The following BOLL variants were observed in gnomAD, a reference collection of about 807,000 sequenced individuals.
BOLL encodes boule RNA binding protein.
BOLL carries 23 observed loss-of-function variants against 44.4 expected under a neutral mutation model. The observed-to-expected ratio is 0.52, with a 90% CI of 0.37 to 0.73. The LOEUF is 0.73. Among genes scored for constraint, BOLL ranks in the 30% least tolerant of loss-of-function variants. The pLI is 0.00. For synonymous variants in BOLL, 97 were observed against 110.8 expected (o/e 0.88, Z 0.78); for missense variants, 287 against 338.3 (o/e 0.85, Z 1.19).
At chr2:197,737,521 A>G (rs1227045137) in intron 10 of BOLL, among the ~76,000 whole-genome samples, 1 of 152,062 alleles carries the variant, frequency 6.6e-6, no homozygotes, top group African/African-American at 2.4e-5. Flanking sequence ...TATAGCATAC[A>G]TGAAAATTTA....
intron 9 of BOLL, among the ~76,000 whole-genome samples, chr2:197,750,324 A>G (rs1391625030): frequency 6.6e-6 from 1 of 152,246 alleles, no homozygotes; most frequent in African/African-American, 2.4e-5. Flanking sequence ...AATGGGCTAA[A>G]CGCCCCAATT....
intron 1 of BOLL, 64 bp from the exon 2 acceptor site, chr2:197,781,929 A>G: frequency 7.4e-7 from 1 of 1,360,458 alleles, no homozygotes; most frequent in Non-Finnish European, 9.8e-7. Context: ...TTTGATGCAG[A>G]CCAAAAACAT....
rs146934917 is a variant in BOLL at position 197,751,221 on chromosome 2, C to T, written c.729+5207G>A. Reference sequence around the variant, plus strand: ...GAAAGATCTAAAATGGACACCCTAACATTACAATTAAAAGAACTAGAGAAG... The same window carrying T: ...GAAAGATCTAAAATGGACACCCTAATATTACAATTAAAAGAACTAGAGAAG... On this transcript the variant is annotated intron_variant, in intron 9 of 10. Transcript: ENST00000392296. 4.0e-3 allele frequency among the ~76,000 whole-genome samples: 614 copies of T among 152,170 alleles called. 3 individuals are homozygous for T. Among genetic ancestry groups the T allele is most frequent in the African/African-American group, 0.014 (589 of 41,526 alleles).
chr2:197,784,866 C>A, intron 1 of BOLL, 190 bp downstream of exon 1: 1 of 987,414 alleles, frequency 1.0e-6, no homozygotes, highest in East Asian at 1.1e-4. Flanking sequence ...GCATGTGTTA[C>A]GGAAACACCT....
intron 10 of BOLL, among the ~76,000 whole-genome samples, chr2:197,731,661 C>G (rs1209001592): frequency 6.6e-6 from 1 of 151,094 alleles, no homozygotes; most frequent in Non-Finnish European, 1.5e-5. Context: ...TTAAGAATCT[C>G]ACTCAAAACT....
In BOLL at chr2:197,728,562, T is replaced by G; in HGVS notation, c.845A>C (p.His282Pro). ...PEPIKTVWSI[H>P]Y is the part of the protein sequence containing the mutation. ...TAGAGCTGCCCAATTGTCTTAATAATGAATGCTCCACACTGTCTGTTAAGT... is the reference window on the plus strand; with the variant it reads ...TAGAGCTGCCCAATTGTCTTAATAAGGAATGCTCCACACTGTCTGTTAAGT... The change falls in exon 11 of 11, where the codon CAT (histidine) becomes CCT (proline). Residue 282 changes from histidine to proline, a missense_variant. Physicochemically the swap from His to Pro is moderately conservative, Grantham distance 77 (BLOSUM62 -2). Transcript: ENST00000392296. The G allele has an allele frequency of 6.2e-7, 1 of 1,611,694 alleles. No individual in the cohort carries two copies. Among genetic ancestry groups the G allele is most frequent in the Non-Finnish European group, 8.5e-7 (1 of 1,177,918 alleles).
chr2:197,734,694 C>T (rs1450098953), intron 10 of BOLL, among the ~76,000 whole-genome samples: 1 of 152,110 alleles, frequency 6.6e-6, no homozygotes, highest in African/African-American at 2.4e-5. Flanking sequence ...TCATTCTCAG[C>T]AAACTATTGC....
intron 2 of BOLL, among the ~76,000 whole-genome samples, chr2:197,780,857 T>C (rs988443972): frequency 6.6e-6 from 1 of 152,042 alleles, no homozygotes. Context: ...TCCTTCTATA[T>C]ATCCATTTGA....
At chr2:197,733,969 A>C (rs1199101617) in intron 10 of BOLL, among the ~76,000 whole-genome samples, 1 of 152,050 alleles carries the variant, frequency 6.6e-6, no homozygotes, top group Non-Finnish European at 1.5e-5. Flanking sequence ...AATGGGATCT[A>C]ATTAAACTCA....
rs1483773906 is a variant in BOLL at position 197,766,579 on chromosome 2, C to T, written c.505G>A (p.Val169Met). The T allele has an allele frequency of 1.2e-6, 2 of 1,612,280 alleles. No homozygotes were observed. Among genetic ancestry groups the T allele is most frequent in the African/African-American group, 2.7e-5 (2 of 74,828 alleles). Residue 169 changes from valine (V) to methionine (M), a missense_variant, in exon 7 of 11, where the codon GTG becomes ATG. Coordinates refer to ENST00000392296, the MANE Select transcript of BOLL (RefSeq NM_033030.6). ...TGATAAATGGGCTGAGCTACCATCACAGGGGAGCTACATACAGAACGTGAC... is the reference window on the plus strand; with the variant it reads ...TGATAAATGGGCTGAGCTACCATCATAGGGGAGCTACATACAGAACGTGAC... The part of the protein sequence containing the change: ...WPSRSVCSSP[V>M]MVAQPIYQQP...
At chr2:197,739,870 T>C (rs1305586177) in intron 10 of BOLL, among the ~76,000 whole-genome samples, 1 of 152,194 alleles carries the variant, frequency 6.6e-6, no homozygotes, top group African/African-American at 2.4e-5. Context: ...AATTACACAA[T>C]TTCCATCACT....
chr2:197,774,197 T>TG (rs1351435049), intron 5 of BOLL: 1 of 201,220 alleles, frequency 5.0e-6, no homozygotes, highest in Non-Finnish European at 1.1e-5. Flanking sequence ...TTTTATTCAA[T>TG]TGTTTTTGGG....
intron 10 of BOLL, among the ~76,000 whole-genome samples, chr2:197,737,263 A>C (rs972287000): frequency 3.3e-5 from 5 of 152,126 alleles, no homozygotes; most frequent in African/African-American, 1.2e-4. Flanking sequence ...TTTTCACAGA[A>C]TCCATATAAT....
At position 197,785,179 on chromosome 2, in the gene BOLL, A is replaced by G. The variant is rs867039186; in HGVS notation, c.-139T>C. On this transcript the variant is annotated 5_prime_UTR_variant, in exon 1 of 11. Transcript: ENST00000392296. This position sits in a 1 kb window ranked among gnomAD's most constrained non-coding sequence, Gnocchi z 6.7. Reference sequence around the variant, plus strand: ...GGTCATCGTGAACTTGGGCACCGAAACGAGGATCCACCCCCTCCCCACCAA... The same window carrying G: ...GGTCATCGTGAACTTGGGCACCGAAGCGAGGATCCACCCCCTCCCCACCAA... 1 of 985,788 alleles carries G rather than the reference A, an allele frequency of 1.0e-6. No homozygotes were observed. The highest frequency in any genetic ancestry group is 1.2e-6 in the Non-Finnish European group (1 of 829,922). The allele number at this position is 985,788 out of a possible 1,614,324, so 61.1% of individuals were successfully genotyped here. A position where few individuals can be genotyped will look rare whatever the true frequency, so the allele number is the denominator to read the frequency against.
intron 6 of BOLL, among the ~76,000 whole-genome samples, chr2:197,767,905 A>T (rs1176019452): frequency 2.0e-5 from 3 of 152,014 alleles, no homozygotes; most frequent in Non-Finnish European, 2.9e-5. Flanking sequence ...CTTTTTCAAG[A>T]ACAAGGTCAT....
At chr2:197,758,295 G>A (rs181220548) in intron 7 of BOLL, among the ~76,000 whole-genome samples, 4 of 152,282 alleles carry the variant, frequency 2.6e-5, no homozygotes, top group Non-Finnish European at 4.4e-5. Flanking sequence ...GTGGTACAGT[G>A]TATCCATACA....
At chr2:197,758,547 C>A (rs200005170) in intron 7 of BOLL, among the ~76,000 whole-genome samples, 1 of 152,130 alleles carries the variant, frequency 6.6e-6, no homozygotes. Context: ...TACTGTAGCA[C>A]AAAAACAGCC....
chr2:197,730,881 G>A (rs1421116217), intron 10 of BOLL, among the ~76,000 whole-genome samples: 9 of 151,560 alleles, frequency 5.9e-5, no homozygotes, highest in South Asian at 2.1e-4. Context: ...AAAGACCATC[G>A]AGACTAGGAA....
chr2:197,771,772 G>T (rs1349920528), intron 6 of BOLL, 83 bp downstream of exon 6: 2 of 1,350,006 alleles, frequency 1.5e-6, no homozygotes, highest in African/African-American at 1.6e-5. Flanking sequence ...AATTATCTGT[G>T]GTTAAGATAT....
Sources: allele counts gnomAD v4.1 joint callset (sites outside exome capture counted in the v4.1 genomes callset), GRCh38; gene constraint gnomAD v4.1.1; non-coding constraint Gnocchi (gnomAD v3.1); transcripts MANE v1.5; gene names NCBI Gene and HGNC (gene_info 2026-07-23, HGNC 2026-07-21).